Variants in IFT74 observed in about 807,000 individuals in gnomAD.
IFT74 encodes the protein intraflagellar transport protein 74 homolog.
In IFT74, 92 loss-of-function variants were observed where a neutral mutation model predicts 96.7. That is an observed-to-expected ratio of 0.95 (90% confidence interval 0.80 to 1.13). The LOEUF (loss-of-function observed/expected upper bound fraction) is 1.13. IFT74 is among the 50% of genes most tolerant of loss of function. The pLI, the probability that IFT74 is intolerant of heterozygous loss-of-function variation, is 0.00. For synonymous variants in IFT74, 223 were observed against 213.2 expected (o/e 1.05, Z -0.40); for missense variants, 811 against 698.2 (o/e 1.16, Z -1.82).
intron 10 of IFT74, among the ~76,000 whole-genome samples, chr9:27,016,621 A>G (rs900077702): frequency 1.3e-5 from 2 of 152,200 alleles, no homozygotes; most frequent in African/African-American, 2.4e-5. Flanking sequence ...TTATCCTCCC[A>G]TTGGTAGAGT....
At chr9:27,000,044 T>A (rs1045697671) in intron 8 of IFT74, among the ~76,000 whole-genome samples, 2 of 152,092 alleles carry the variant, frequency 1.3e-5, no homozygotes, top group African/African-American at 2.4e-5. Flanking sequence ...CCTTGAAAAG[T>A]GCTGGGATTA....
chr9:27,007,736 T>A (rs990940788), intron 8 of IFT74, among the ~76,000 whole-genome samples: 1 of 152,204 alleles, frequency 6.6e-6, no homozygotes. Flanking sequence ...CTGGTGATTG[T>A]GAAAACTATA....
At chr9:27,000,773 G>T (rs1563963244) in intron 8 of IFT74, among the ~76,000 whole-genome samples, 1 of 152,058 alleles carries the variant, frequency 6.6e-6, no homozygotes, top group South Asian at 2.1e-4. Flanking sequence ...AAACCACCGT[G>T]GCACATGTTT....
In IFT74 at chr9:27,039,251, G is replaced by A. The variant is rs571721425; in HGVS notation, c.1055-5491G>A. Among the ~76,000 whole-genome samples, 24 of 152,006 alleles carry A rather than the reference G, an allele frequency of 1.6e-4. No homozygotes were observed. The South Asian group carries it at 2.3e-3, about 15-fold the overall frequency. ...TCACTATTTTGCCCAGGCTCGTCTCGAACTCGCAGCCTCAAGCAGTCCTCT... is the reference window on the plus strand; with the variant it reads ...TCACTATTTTGCCCAGGCTCGTCTCAAACTCGCAGCCTCAAGCAGTCCTCT... On this transcript the variant is annotated intron_variant, in intron 13 of 19. Coordinates refer to ENST00000380062, the MANE Select transcript of IFT74 (RefSeq NM_025103.4).
intron 4 of IFT74, 199 bp from the exon 5 acceptor site, chr9:26,984,058 A>C (rs1282482808): frequency 5.5e-6 from 2 of 363,524 alleles, no homozygotes; most frequent in Admixed American, 9.9e-5. Context: ...TGTTGGGATT[A>C]CAGGCTTGAC....
At chr9:26,973,784 A>G (rs918869569) in intron 2 of IFT74, among the ~76,000 whole-genome samples, 1 of 152,200 alleles carries the variant, frequency 6.6e-6, no homozygotes, top group Non-Finnish European at 1.5e-5. Context: ...TGAGACAAAC[A>G]GAGGAGTGAG....
At chr9:26,995,812 A>G in intron 8 of IFT74, 2 of 1,607,646 alleles carry the variant, frequency 1.2e-6, no homozygotes. Flanking sequence ...CAACAACACC[A>G]ACAAGAAAAG....
rs559959957 is a variant in IFT74, at chr9:27,055,512, T to A, written c.1334-97T>A. 26 of 804,316 alleles carry A rather than the reference T, an allele frequency of 3.2e-5. 1 individual carries two copies. The South Asian group carries it at 4.4e-4, about 14-fold the overall frequency. The allele number at this position is 804,316 out of a possible 1,614,324, so 49.8% of individuals were successfully genotyped here. The stretch of plus-strand genomic sequence containing the variant: ...TGAACATATATTTCTTTTACAGATA[T>A]TCTTAAAAAACATGATTTTTAATAG... On this transcript the variant is annotated intron_variant, in intron 16 of 19. Transcript: ENST00000380062.
chr9:27,016,762 A>G (rs1829361431), intron 10 of IFT74, 145 bp from the exon 11 acceptor site: 4 of 533,508 alleles, frequency 7.5e-6, no homozygotes, highest in South Asian at 7.3e-5. Flanking sequence ...GCTTTGTAGC[A>G]TTATTGAGTA....
chr9:26,961,571 G>A (rs957526697), intron 1 of IFT74, among the ~76,000 whole-genome samples: 2 of 152,230 alleles, frequency 1.3e-5, no homozygotes, highest in South Asian at 2.1e-4. Flanking sequence ...GAAAGTATTT[G>A]TAACAAGATT....
chr9:26,974,446 C>A (rs1247548918), intron 2 of IFT74, among the ~76,000 whole-genome samples: 2 of 152,148 alleles, frequency 1.3e-5, no homozygotes, highest in East Asian at 3.9e-4. Context: ...TTTAGCCTGT[C>A]TAAGAATTTT....
Position 27,055,859 on chromosome 9 carries a change from ATTATT to A in IFT74, c.1497+91_1497+95del, listed in dbSNP as rs1318250729. On this transcript the variant is annotated intron_variant, in intron 17 of 19. Coordinates refer to ENST00000380062, the MANE Select transcript of IFT74 (RefSeq NM_025103.4). ...AATATATTTGTGGTTTATAGGATTT[ATTATT>A]TTAAGTTGATTATTTTATATATATA... The A allele has an allele frequency of 2.7e-5, 23 of 838,278 alleles. No individual in the cohort carries two copies. In the South Asian group the frequency reaches 5.1e-4, roughly 19 times the overall value. 51.9% of individuals were successfully genotyped at this position (838,278 alleles called of 1,614,324 possible). A position where few individuals can be genotyped will look rare whatever the true frequency, so the allele number is the denominator to read the frequency against.
In IFT74 at chr9:26,948,448, A is replaced by ATTATTTT. The variant is rs1825819541; in HGVS notation, c.-20+1304_-20+1305insATTTTTT. Among the ~76,000 whole-genome samples, 50 of 59,170 alleles carry ATTATTTT rather than the reference A, an allele frequency of 8.5e-4. 5 individuals carry two copies. The highest frequency in any genetic ancestry group is 1.4e-3 in the Non-Finnish European group (36 of 26,086). 38.8% of individuals were successfully genotyped at this position (59,170 alleles called of 152,430 possible). A position where few individuals can be genotyped will look rare whatever the true frequency, so the allele number is the denominator to read the frequency against. ...TGACAACCTGTGATGGCTTTCCATT[A>ATTATTTT]TTTTTTTTTTTTTTTTTTTTTTTTT... On this transcript the variant is annotated intron_variant, in intron 1 of 19. Coordinates refer to the IFT74 transcript ENST00000433700.
At position 27,055,748 on chromosome 9, in the gene IFT74, A is replaced by G. The variant is rs1055614699; in HGVS notation, c.1473A>G (p.Lys491=). 3.2e-6 allele frequency: 5 copies of G among 1,555,702 alleles called. No homozygotes were observed. In the African/African-American group the frequency reaches 7.0e-5, roughly 22 times the overall value. ...LEIYNDLPAL[K]SSGEEKIKKL... is the part of the protein sequence containing the mutation. ...TATATAATGATTTGCCAGCTTTAAA[A>G]TCATCAGGTGAAGAAAAGATAAAGG... The change falls in exon 17 of 20, where the codon AAA becomes AAG. Residue 491 remains lysine (K), a synonymous_variant. Coordinates refer to ENST00000380062, the MANE Select transcript of IFT74 (RefSeq NM_025103.4).
intron 6 of IFT74, 53 bp downstream of exon 6, chr9:26,984,612 C>G (rs533682921): frequency 7.2e-7 from 1 of 1,394,452 alleles, no homozygotes; most frequent in East Asian, 2.3e-5. Flanking sequence ...TTAGTTTTTA[C>G]TACTGCTTTA....
chr9:27,037,528 A>G (rs146252690), intron 13 of IFT74, among the ~76,000 whole-genome samples: 1 of 152,332 alleles, frequency 6.6e-6, no homozygotes, highest in Non-Finnish European at 1.5e-5. Flanking sequence ...TCAGAAGACA[A>G]AGGATACCTT....
Position 27,056,488 on chromosome 9 carries a change from T to C in IFT74, c.1623+29T>C, listed in dbSNP as rs751466790. 13 of 1,569,968 alleles carry C rather than the reference T, an allele frequency of 8.3e-6. No individual in the cohort carries two copies. In the African/African-American group the frequency reaches 1.8e-4, roughly 22 times the overall value. On this transcript the variant is annotated intron_variant, in intron 18 of 19. Coordinates refer to ENST00000380062, the MANE Select transcript of IFT74 (RefSeq NM_025103.4). ...AAAAATGTTTTAAATGACTTTGAAA[T>C]TGTCTTAGTCTATATTTTCACCCCA...
chr9:26,982,840 C>T (rs1374818171), intron 4 of IFT74, among the ~76,000 whole-genome samples: 2 of 152,108 alleles, frequency 1.3e-5, no homozygotes, highest in Admixed American at 1.3e-4. Flanking sequence ...AATGCACCTG[C>T]CTATGCCTTT....
rs114979931 is a variant in IFT74, at chr9:26,971,898, A to G, written c.121-6230A>G. ...CTGCAAATGTTTCAAAGCTTGGCTG[A>G]GTGCAAACAGTTTACAAGTTTGGGC... On this transcript the variant is annotated intron_variant, in intron 2 of 19. Coordinates refer to ENST00000380062, the MANE Select transcript of IFT74 (RefSeq NM_025103.4). 5.0e-3 allele frequency among the ~76,000 whole-genome samples: 763 copies of G among 152,342 alleles called. 11 individuals carry two copies. Among genetic ancestry groups the G allele is most frequent in the African/African-American group, 0.018 (746 of 41,578 alleles).
Sources: gnomAD v4.1 joint callset for allele counts (sites outside exome capture counted in the v4.1 genomes callset) on GRCh38, gnomAD v4.1.1 for gene constraint, MANE v1.5 for transcripts, NCBI Gene and HGNC (gene_info 2026-07-23, HGNC 2026-07-21) for gene names.